The following LAPTM4A variants were observed in gnomAD, a reference collection of about 807,000 sequenced individuals.
LAPTM4A encodes lysosomal protein transmembrane 4 alpha.
Under a neutral mutation model 29.9 loss-of-function variants are expected in LAPTM4A, and 19 were observed. The ratio of observed to expected loss-of-function variants is 0.64; its 90% CI spans 0.44 to 0.93. LAPTM4A has a LOEUF of 0.93. Ranked by LOEUF, LAPTM4A falls within the 40% of genes least tolerant of loss-of-function variation. LAPTM4A has a pLI of 0.00. For synonymous variants in LAPTM4A, 105 were observed against 102.1 expected, an observed-to-expected ratio of 1.03 and a Z score of -0.17; for missense variants, 293 against 288.5, an observed-to-expected ratio of 1.02 and a Z score of -0.11.
At chr2:20,041,475 T>C (rs1369845532) in intron 1 of LAPTM4A, among the ~76,000 whole-genome samples, 2 of 152,196 alleles carry the variant, frequency 1.3e-5, no homozygotes, top group African/African-American at 4.8e-5. Context: ...CTTAAGAGAC[T>C]TACCAAGATA....
intron 5 of LAPTM4A, 46 bp downstream of exon 5, chr2:20,034,919 TCA>T (rs757972741): frequency 5.9e-6 from 8 of 1,358,672 alleles, no homozygotes; most frequent in Middle Eastern, 1.8e-4. Flanking sequence ...AGGTTTAGAT[TCA>T]CAGTGTCAAT....
intron 1 of LAPTM4A, among the ~76,000 whole-genome samples, chr2:20,043,555 C>T (rs1673853194): frequency 1.3e-5 from 2 of 152,196 alleles, no homozygotes; most frequent in African/African-American, 4.8e-5. Context: ...ATATACTTCT[C>T]TCCTGTTTCA....
chr2:20,047,240 T>C (rs1390023155), intron 1 of LAPTM4A, among the ~76,000 whole-genome samples: 2 of 149,224 alleles, frequency 1.3e-5, no homozygotes, highest in African/African-American at 5.0e-5. Context: ...TACAAAAAAT[T>C]AGCCCGACAT....
chr2:20,036,271 C>T lies in LAPTM4A; in HGVS notation c.432+1045G>A, dbSNP rs1673674917. 2.6e-5 allele frequency among the ~76,000 whole-genome samples: 4 copies of T among 152,322 alleles called. 1 individual carries two copies. The highest frequency in any genetic ancestry group is 6.8e-3 in the Middle Eastern group (2 of 294). ...AGCCACCATGGCCAGCTTCTAGTGC[C>T]CTCACTATGCTGCTTCTTGCCTCAA... On this transcript the variant is annotated intron_variant, in intron 4 of 6. Coordinates refer to ENST00000175091, the MANE Select transcript of LAPTM4A (RefSeq NM_014713.5).
chr2:20,051,373 G>GC lies in LAPTM4A; in HGVS notation c.111+36dup, dbSNP rs752945240. ...CTCCGCACCAGGCCCCGCTCCCCAG[G>GC]CCCCCCGGACATACGCGCCACGCCT... On this transcript the variant is annotated intron_variant, in intron 1 of 6. Coordinates refer to ENST00000175091, the MANE Select transcript of LAPTM4A (RefSeq NM_014713.5). The GC allele has an allele frequency of 3.2e-5, 45 of 1,387,730 alleles. 1 individual carries two copies. In the South Asian group the frequency reaches 4.7e-4, roughly 15 times the overall value. The allele number at this position is 1,387,730 out of a possible 1,614,324, so 86.0% of individuals were successfully genotyped here. A position where few individuals can be genotyped will look rare whatever the true frequency, so the allele number is the denominator to read the frequency against.
intron 1 of LAPTM4A, among the ~76,000 whole-genome samples, chr2:20,044,324 T>C (rs892358641): frequency 6.6e-6 from 1 of 152,216 alleles, no homozygotes; most frequent in African/African-American, 2.4e-5. Flanking sequence ...AAACTCTTCT[T>C]TGCTAAACAC....
chr2:20,038,002 C>A (rs1673717655), intron 2 of LAPTM4A, among the ~76,000 whole-genome samples: 1 of 152,068 alleles, frequency 6.6e-6, no homozygotes, highest in African/African-American at 2.4e-5. Context: ...ATTTGCTTTG[C>A]CTGAAGCATC....
At chr2:20,040,697 T>C (rs1673775299) in intron 2 of LAPTM4A, among the ~76,000 whole-genome samples, 194 bp downstream of exon 2, 1 of 152,234 alleles carries the variant, frequency 6.6e-6, no homozygotes, top group South Asian at 2.1e-4. Context: ...GGTTTTAGCC[T>C]AGGAGTCTCT....
chr2:20,037,065 C>T (rs754248065), intron 4 of LAPTM4A, among the ~76,000 whole-genome samples: 19 of 152,162 alleles, frequency 1.2e-4, no homozygotes, highest in Non-Finnish European at 2.5e-4. Flanking sequence ...AAAAGCTGAA[C>T]TACTAGTTCC....
chr2:20,046,905 C>G (rs1346109540), intron 1 of LAPTM4A, among the ~76,000 whole-genome samples: 1 of 149,354 alleles, frequency 6.7e-6, no homozygotes, highest in South Asian at 2.1e-4. Context: ...GGATTACAGG[C>G]GTGAGCCACT....
chr2:20,043,931 G>A (rs1372119364), intron 1 of LAPTM4A, among the ~76,000 whole-genome samples: 1 of 152,182 alleles, frequency 6.6e-6, no homozygotes, highest in Non-Finnish European at 1.5e-5. Flanking sequence ...TCAGCACTAC[G>A]TGATTATTAA....
intron 6 of LAPTM4A, 80 bp from the exon 7 acceptor site, chr2:20,033,359 T>C (rs1192946000): frequency 9.0e-7 from 1 of 1,112,110 alleles, no homozygotes; most frequent in African/African-American, 1.5e-5. Flanking sequence ...TCAGACTTTA[T>C]GCCCTAAATA....
chr2:20,034,401 GTTAA>G lies in LAPTM4A; in HGVS notation c.539_542del (p.Ile180ThrfsTer39). The G allele has an allele frequency of 6.2e-7, 1 of 1,611,624 alleles. No individual in the cohort carries two copies. Among genetic ancestry groups the G allele is most frequent in the Non-Finnish European group, 8.5e-7 (1 of 1,177,742 alleles). On this transcript the variant is annotated frameshift_variant, in exon 6 of 7. Transcript: ENST00000175091. LOFTEE classifies it high-confidence loss of function. ...TGTATTTATAGCAGTTCCAAACACA[GTTAA>G]TTAGATAAGCCTGGAAGAATAAAAA...
At chr2:20,038,508 C>T (rs1038837896) in intron 2 of LAPTM4A, among the ~76,000 whole-genome samples, 3 of 152,162 alleles carry the variant, frequency 2.0e-5, no homozygotes, top group Non-Finnish European at 4.4e-5. Context: ...TCACTGCAAC[C>T]TCAACCTCCC....
intron 1 of LAPTM4A, among the ~76,000 whole-genome samples, chr2:20,051,081 C>A (rs1173640731): frequency 6.6e-6 from 1 of 152,070 alleles, no homozygotes; most frequent in African/African-American, 2.4e-5. Context: ...CAACAAGAAC[C>A]AAAACAGAGG....
In LAPTM4A at chr2:20,035,038, G is replaced by A. The variant is rs150206762; in HGVS notation, c.457C>T (p.Leu153Phe). 1.2e-6 allele frequency: 2 copies of A among 1,612,466 alleles called. No homozygotes were observed. The highest frequency in any genetic ancestry group is 1.7e-5 in the Admixed American group (1 of 60,006). The change falls in exon 5 of 7, where the codon CTC becomes TTC. Residue 153 changes from leucine to phenylalanine, a missense_variant. Physicochemically the swap from Leu to Phe is conservative, Grantham distance 22. Transcript: ENST00000175091. ...AGGCAGCTGGAGTCCAAGGCCAGGA[G>A]GTCATCTTTGTAGGGAAAATCAGGC... The part of the protein sequence containing the change: ...QLPDFPYKDD[L>F]LALDSSCLLF...
At chr2:20,039,179 A>C (rs948045777) in intron 2 of LAPTM4A, among the ~76,000 whole-genome samples, 10 of 152,180 alleles carry the variant, frequency 6.6e-5, no homozygotes, top group African/African-American at 2.4e-4. Context: ...GGCCTCCCAA[A>C]GTGATGGGAT....
At position 20,033,240 on chromosome 2, in the gene LAPTM4A, C is replaced by T. The variant is rs757062582; in HGVS notation, c.667G>A (p.Glu223Lys). The T allele has an allele frequency of 1.2e-6, 2 of 1,614,090 alleles. No individual in the cohort carries two copies. The highest frequency in any genetic ancestry group is 1.1e-5 in the South Asian group (1 of 91,082). ...AAGTAAGGAGGTGGTGGTTCTTTTTCAGGCATTTTCACGGCCATTTCATAG... is the reference window on the plus strand; with the variant it reads ...AAGTAAGGAGGTGGTGGTTCTTTTTTAGGCATTTTCACGGCCATTTCATAG... Reference protein sequence around the residue: ...PTYEMAVKMPEKEPPPPYLPA With the variant: ...PTYEMAVKMPKKEPPPPYLPA Residue 223 changes from glutamate (E) to lysine (K), a missense_variant, in exon 7 of 7, where the codon GAA becomes AAA. Coordinates refer to ENST00000175091, the MANE Select transcript of LAPTM4A (RefSeq NM_014713.5).
At chr2:20,041,490 A>C (rs1435679952) in intron 1 of LAPTM4A, among the ~76,000 whole-genome samples, 1 of 152,122 alleles carries the variant, frequency 6.6e-6, no homozygotes, top group Non-Finnish European at 1.5e-5. Flanking sequence ...AAGATACTGA[A>C]AGTCACTTAT....
Sources: gnomAD v4.1 joint callset for allele counts (sites outside exome capture counted in the v4.1 genomes callset) on GRCh38, gnomAD v4.1.1 for gene constraint, MANE v1.5 for transcripts, NCBI Gene and HGNC (gene_info 2026-07-23, HGNC 2026-07-21) for gene names.